The following DNAJC6 variants were observed in gnomAD, a reference collection of about 807,000 sequenced individuals.
DNAJC6 encodes auxilin.
A neutral mutation model predicts 110.0 loss-of-function variants in DNAJC6; 34 were observed. The observed-to-expected ratio is 0.31, with a 90% CI of 0.24 to 0.41. The LOEUF is 0.41. Ranked by LOEUF, DNAJC6 falls within the 10% of genes least tolerant of loss-of-function variation. DNAJC6 has a pLI of 1.00. For missense variants in DNAJC6, 1,031 were observed against 1,207.8 expected (o/e 0.85, Z 2.17); for synonymous variants, 406 against 437.2 (o/e 0.93, Z 0.89).
At position 65,388,487 on chromosome 1, in the gene DNAJC6, G is replaced by C. The variant is rs915842828; in HGVS notation, c.1193+72G>C. ...GAAGTGCTGAGGCTCAATGGCACCA[G>C]GCTGTAGCATACCCTGGAATCCTGT... On this transcript the variant is annotated intron_variant, in intron 9 of 18. Coordinates refer to ENST00000371069, the MANE Select transcript of DNAJC6 (RefSeq NM_001256864.2). 2.2e-5 allele frequency: 31 copies of C among 1,378,432 alleles called. No homozygotes were observed. In the African/African-American group the frequency reaches 3.7e-4, roughly 16 times the overall value. 85.4% of individuals were successfully genotyped at this position (1,378,432 alleles called of 1,614,324 possible).
At chr1:65,265,141 T>C (rs1653272401) in intron 1 of DNAJC6, among the ~76,000 whole-genome samples, 1 of 152,238 alleles carries the variant, frequency 6.6e-6, no homozygotes, top group South Asian at 2.1e-4. Context: ...TCATTCAGCT[T>C]TCCATTTTTA....
At chr1:65,374,242 C>G (rs570094211) in intron 4 of DNAJC6, among the ~76,000 whole-genome samples, 2 of 151,818 alleles carry the variant, frequency 1.3e-5, no homozygotes, top group Non-Finnish European at 2.9e-5. Flanking sequence ...TCTTTTTGCT[C>G]AGGGTGGCTT....
chr1:65,385,822 A>G lies in DNAJC6; in HGVS notation c.911A>G (p.Gln304Arg). Residue 304 changes from glutamine (Q) to arginine (R), a missense_variant, in exon 7 of 19, where the codon CAG becomes CGG. Gln to Arg is a conservative substitution (Grantham distance 43). Coordinates refer to ENST00000371069, the MANE Select transcript of DNAJC6 (RefSeq NM_001256864.2). ...TVSPIPFFNK[Q>R]RNGCRPYCDV... ...AGTCCAATACCCTTTTTCAACAAACAGAGGAATGGATGTCGCCCTTACTGT... is the reference window on the plus strand; with the variant it reads ...AGTCCAATACCCTTTTTCAACAAACGGAGGAATGGATGTCGCCCTTACTGT... 6.2e-7 allele frequency: 1 copy of G among 1,614,164 alleles called. No individual in the cohort carries two copies. The highest frequency in any genetic ancestry group is 8.5e-7 in the Non-Finnish European group (1 of 1,180,004).
chr1:65,303,473 A>T (rs542747154), intron 1 of DNAJC6, among the ~76,000 whole-genome samples: 1 of 152,288 alleles, frequency 6.6e-6, no homozygotes, highest in East Asian at 1.9e-4. Flanking sequence ...TTGTGACTTA[A>T]AATGGATGGT....
chr1:65,264,833 G>C (rs1017538539), exon 1 of DNAJC6: 2 of 1,597,532 alleles, frequency 1.3e-6, no homozygotes, highest in African/African-American at 2.7e-5. Context: ...CGCTGACTGT[G>C]AATGACAAAT....
chr1:65,302,100 A>AATACGTATTAT (rs71577206), intron 1 of DNAJC6, among the ~76,000 whole-genome samples: 1,085 of 31,758 alleles, frequency 0.034, 25 homozygotes, highest in African/African-American at 0.25. Flanking sequence ...TTATATATAT[A>AATACGTATTAT]ATATATAATA....
chr1:65,273,621 A>C (rs1653576074), intron 1 of DNAJC6, among the ~76,000 whole-genome samples: 1 of 152,222 alleles, frequency 6.6e-6, no homozygotes, highest in East Asian at 1.9e-4. Flanking sequence ...CCCTTAAGCT[A>C]TATATATAAT....
At chr1:65,393,228 A>G (rs1391927698) in intron 12 of DNAJC6, among the ~76,000 whole-genome samples, 1 of 152,200 alleles carries the variant, frequency 6.6e-6, no homozygotes, top group Non-Finnish European at 1.5e-5. Flanking sequence ...CCAGACATGG[A>G]ATTTAATACT....
At chr1:65,305,765 A>G (rs1322008117), upstream of DNAJC6, among the ~76,000 whole-genome samples, 3 of 87,500 alleles carry the variant, frequency 3.4e-5, no homozygotes, top group African/African-American at 9.9e-5. Context: ...TTATGTTATC[A>G]TAGTCATAAT....
intron 1 of DNAJC6, among the ~76,000 whole-genome samples, chr1:65,357,678 G>A (rs1289473411): frequency 1.3e-5 from 2 of 152,284 alleles, no homozygotes; most frequent in Non-Finnish European, 2.9e-5. Flanking sequence ...AGCCTGCTTG[G>A]AGTGAGGGGG....
intron 2 of DNAJC6, among the ~76,000 whole-genome samples, chr1:65,365,182 A>G (rs1006047206): frequency 1.2e-4 from 19 of 152,238 alleles, no homozygotes; most frequent in South Asian, 1.0e-3. Flanking sequence ...TATACATGCA[A>G]TCTGAATAAG....
chr1:65,264,780 AT>A, exon 1 of DNAJC6: 1 of 1,504,440 alleles, frequency 6.6e-7, no homozygotes, highest in South Asian at 1.3e-5. Context: ...TGCAATTATC[AT>A]AGCCCGAGTG....
Position 65,401,834 on chromosome 1 carries a change from A to G in DNAJC6, c.2181A>G (p.Gln727=). ...TGSSHGTPTH[Q]SKPQTLDPFA... ...CCTCGCATGGTACTCCCACCCATCA[A>G]AGCAAACCCCAGACTCTGGATCCTT... The change falls in exon 15 of 19, where the codon CAA becomes CAG. Residue 727 remains glutamine, a synonymous_variant. Transcript: ENST00000371069. The G allele has an allele frequency of 6.2e-7, 1 of 1,613,894 alleles. No homozygotes were observed. The highest frequency in any genetic ancestry group is 8.5e-7 in the Non-Finnish European group (1 of 1,179,930).
upstream of DNAJC6, among the ~76,000 whole-genome samples, chr1:65,305,941 A>G (rs1300364928): frequency 1.3e-5 from 2 of 152,214 alleles, no homozygotes; most frequent in South Asian, 4.1e-4. Context: ...ACTTCTTACT[A>G]TAACCTTATT....
chr1:65,366,416 A>C (rs899546539), intron 4 of DNAJC6, among the ~76,000 whole-genome samples: 1 of 152,178 alleles, frequency 6.6e-6, no homozygotes, highest in South Asian at 2.1e-4. Flanking sequence ...TCAATGAAAT[A>C]CCATCGAAGT....
intron 1 of DNAJC6, among the ~76,000 whole-genome samples, chr1:65,282,939 T>A (rs1340676171): frequency 6.6e-6 from 1 of 152,224 alleles, no homozygotes; most frequent in East Asian, 1.9e-4. Context: ...TTTGTGAGAT[T>A]ACTTGGTTTT....
At chr1:65,287,110 ATGAG>A (rs917707382) in intron 1 of DNAJC6, among the ~76,000 whole-genome samples, 23 of 152,350 alleles carry the variant, frequency 1.5e-4, no homozygotes, top group African/African-American at 4.8e-4. Flanking sequence ...GAAGGAATGA[ATGAG>A]TGAGAGAAAG....
chr1:65,307,018 CTATATA>C (rs71056097), upstream of DNAJC6, among the ~76,000 whole-genome samples: 400 of 70,638 alleles, frequency 5.7e-3, 1 homozygote, highest in Non-Finnish European at 8.3e-3. Flanking sequence ...CTCTCTCTCT[CTATATA>C]TATATATATA....
At chr1:65,391,231 G>A (rs922550787) in intron 11 of DNAJC6, among the ~76,000 whole-genome samples, 8 of 152,106 alleles carry the variant, frequency 5.3e-5, no homozygotes, top group African/African-American at 1.7e-4. Flanking sequence ...TCATATTCAC[G>A]TCTGTCAGTT....
Sources: gnomAD v4.1 joint callset for allele counts (sites outside exome capture counted in the v4.1 genomes callset) on GRCh38, gnomAD v4.1.1 for gene constraint, MANE v1.5 for transcripts, NCBI Gene and HGNC (gene_info 2026-07-23, HGNC 2026-07-21) for gene names.